CSMD1: variants seen among roughly 807,000 people sequenced by gnomAD.
CSMD1 encodes the protein CUB and sushi domain-containing protein 1.
A neutral mutation model predicts 417.5 loss-of-function variants in CSMD1; 213 were observed. The ratio of observed to expected loss-of-function variants is 0.51; its 90% CI spans 0.46 to 0.57. The LOEUF is 0.57. Ranked by LOEUF, CSMD1 falls within the 20% of genes least tolerant of loss-of-function variation. The probability of loss-of-function intolerance (pLI) is 0.00; values close to 1 mark genes in which losing one functional copy is unlikely to be tolerated. For missense variants in CSMD1, 6,923 were observed against 4,529.7 expected (o/e 1.53, Z -15.17); for synonymous variants, 2,862 against 1,736.8 (o/e 1.65, Z -16.11).
intron 49 of CSMD1, among the ~76,000 whole-genome samples, chr8:3,074,893 C>T (rs1018928592): frequency 6.6e-6 from 1 of 152,124 alleles, no homozygotes; most frequent in Non-Finnish European, 1.5e-5. Context: ...TATGTCCCCA[C>T]TCAAATCTCA....
intron 1 of CSMD1, among the ~76,000 whole-genome samples, chr8:4,779,659 TATAA>T (rs1473623984): frequency 6.6e-6 from 1 of 152,200 alleles, no homozygotes; most frequent in African/African-American, 2.4e-5. Context: ...TTAGCATTTT[TATAA>T]ATAGTCTCCA....
At chr8:3,295,024 C>G (rs1478171823) in intron 25 of CSMD1, among the ~76,000 whole-genome samples, 1 of 152,138 alleles carries the variant, frequency 6.6e-6, no homozygotes, top group Non-Finnish European at 1.5e-5. Context: ...TATTCCTAAA[C>G]AATATATTGT....
chr8:4,238,568 G>C (rs899926058), intron 3 of CSMD1, among the ~76,000 whole-genome samples: 3 of 152,172 alleles, frequency 2.0e-5, no homozygotes, highest in South Asian at 2.1e-4. Flanking sequence ...GTTAGACAAT[G>C]TGTCCATATT....
intron 23 of CSMD1, among the ~76,000 whole-genome samples, chr8:3,314,079 A>G (rs574619009): frequency 0.019 from 2,822 of 150,664 alleles, 82 homozygotes; most frequent in African/African-American, 0.064. Flanking sequence ...ATGAGAACAC[A>G]TGGACACAGG....
chr8:3,156,067 C>A (rs1030101693), intron 39 of CSMD1, among the ~76,000 whole-genome samples: 1 of 152,226 alleles, frequency 6.6e-6, no homozygotes, highest in African/African-American at 2.4e-5. Context: ...TGGGTGCCCA[C>A]ACCACACTAC....
intron 3 of CSMD1, among the ~76,000 whole-genome samples, chr8:4,357,843 A>C (rs923941151): frequency 6.6e-6 from 1 of 152,188 alleles, no homozygotes; most frequent in Non-Finnish European, 1.5e-5. Context: ...AAGTGTGAGT[A>C]ATATCACTTA....
intron 1 of CSMD1, among the ~76,000 whole-genome samples, chr8:4,639,070 A>G (rs564342469): frequency 6.6e-6 from 1 of 152,202 alleles, no homozygotes; most frequent in South Asian, 2.1e-4. Context: ...TTACCACTAG[A>G]CAAACTGAAA....
chr8:4,948,133 A>G (rs1322400351), intron 1 of CSMD1, among the ~76,000 whole-genome samples: 3 of 152,034 alleles, frequency 2.0e-5, no homozygotes. Flanking sequence ...AATTTATACT[A>G]CTATCATCAT....
At chr8:4,743,541 G>C (rs941798100) in intron 1 of CSMD1, among the ~76,000 whole-genome samples, 4 of 152,160 alleles carry the variant, frequency 2.6e-5, no homozygotes, top group African/African-American at 4.8e-5. Flanking sequence ...TTCCAAGCCA[G>C]AGTCAACCGT....
intron 1 of CSMD1, among the ~76,000 whole-genome samples, chr8:4,670,197 T>C (rs748603497): frequency 3.3e-5 from 5 of 152,344 alleles, no homozygotes; most frequent in Admixed American, 2.6e-4. Flanking sequence ...CCTCCATGTA[T>C]ATTTCTGCTA....
At chr8:3,498,972 T>A (rs879934009) in intron 10 of CSMD1, among the ~76,000 whole-genome samples, 2 of 152,218 alleles carry the variant, frequency 1.3e-5, no homozygotes, top group African/African-American at 2.4e-5. Context: ...ATTTTAAAAA[T>A]CATATAGGCA....
rs1226290841 is a variant in CSMD1, at chr8:2,965,869, C to G, written c.9186G>C (p.Gln3062His). The G allele has an allele frequency of 5.0e-6, 8 of 1,610,130 alleles. No individual in the cohort carries two copies. The highest frequency in any genetic ancestry group is 6.8e-6 in the Non-Finnish European group (8 of 1,178,204). ...CTTCCATGACATAGCCTGGGTTACACTGATAGCTCACAGTCTTGTTGAAGG... is the reference window on the plus strand; with the variant it reads ...CTTCCATGACATAGCCTGGGTTACAGTGATAGCTCACAGTCTTGTTGAAGG... ...DFTFNKTVSYQCNPGYVMEAV... is the reference protein window; with the variant it reads ...DFTFNKTVSYHCNPGYVMEAV... Residue 3062 changes from glutamine to histidine, a missense_variant, in exon 59 of 70, where the codon CAG becomes CAC. Transcript: ENST00000635120.
intron 1 of CSMD1, among the ~76,000 whole-genome samples, chr8:4,638,001 G>C (rs984622230): frequency 6.6e-6 from 1 of 152,068 alleles, no homozygotes; most frequent in East Asian, 1.9e-4. Context: ...TATAATTCTT[G>C]CACAAATATT....
chr8:4,695,935 T>A (rs1807098267), intron 1 of CSMD1, among the ~76,000 whole-genome samples: 1 of 152,228 alleles, frequency 6.6e-6, no homozygotes, highest in African/African-American at 2.4e-5. Context: ...CCATAGGATC[T>A]ACATGAAAGC....
chr8:4,398,385 C>CTTTT (rs1317009143), intron 3 of CSMD1, among the ~76,000 whole-genome samples: 1,195 of 117,976 alleles, frequency 0.01, 63 homozygotes, highest in Middle Eastern at 0.023. Context: ...CTTGCTGCAA[C>CTTTT]TTCTTTTTTT....
chr8:4,030,731 G>T (rs769733188), intron 4 of CSMD1, among the ~76,000 whole-genome samples: 1 of 152,084 alleles, frequency 6.6e-6, no homozygotes, highest in Admixed American at 6.5e-5. Context: ...TGGAAAATGG[G>T]ATTTTCTTTT....
intron 6 of CSMD1, among the ~76,000 whole-genome samples, chr8:3,714,555 C>T: frequency 2.7e-4 from 1 of 3,758 alleles, no homozygotes; most frequent in Non-Finnish European, 5.5e-4. Context: ...AACCCCATCT[C>T]TATCCCAAAA....
At chr8:4,431,016 C>T (rs17414612) in intron 2 of CSMD1, among the ~76,000 whole-genome samples, 35,297 of 152,088 alleles carry the variant, frequency 0.23, 4,496 homozygotes, top group Non-Finnish European at 0.3. Context: ...GGAAAGACTT[C>T]GCATAAGACC....
chr8:4,885,128 C>T (rs769041695), intron 1 of CSMD1, among the ~76,000 whole-genome samples: 10 of 151,936 alleles, frequency 6.6e-5, no homozygotes, highest in Non-Finnish European at 1.5e-4. Flanking sequence ...ATTTTATTTG[C>T]AGAGTCTCAT....
Sources: gnomAD v4.1 joint callset for allele counts (sites outside exome capture counted in the v4.1 genomes callset) on GRCh38, gnomAD v4.1.1 for gene constraint, MANE v1.5 for transcripts, NCBI Gene and HGNC (gene_info 2026-07-23, HGNC 2026-07-21) for gene names.